BTBD8: variants seen among roughly 807,000 people sequenced by gnomAD.
BTBD8 encodes the protein BTB domain containing 8, also known as BTB/POZ domain-containing protein 8.
BTBD8 carries 110 observed loss-of-function variants against 162.9 expected under a neutral mutation model. The observed-to-expected ratio is 0.68, with a 90% CI of 0.58 to 0.79. The LOEUF (loss-of-function observed/expected upper bound fraction) is 0.79, where lower values mean the gene tolerates loss of function less well. Among genes scored for constraint, BTBD8 ranks in the 30% least tolerant of loss-of-function variants. The pLI, the probability that BTBD8 is intolerant of heterozygous loss-of-function variation, is 0.00. For synonymous variants in BTBD8, 667 were observed against 716.1 expected (o/e 0.93, Z 1.10); for missense variants, 1,905 against 2,085.4 (o/e 0.91, Z 1.68).
Position 92,102,704 on chromosome 1 carries a change from G to A in BTBD8, c.544+35G>A, listed in dbSNP as rs111388869. 2.1e-3 allele frequency: 2,825 copies of A among 1,370,882 alleles called. 31 individuals carry two copies. In the African/African-American group the frequency reaches 0.031, roughly 15 times the overall value. 84.9% of individuals were successfully genotyped at this position (1,370,882 alleles called of 1,614,324 possible). ...TTTTTATGGAGTTGTATTTATAGCC[G>A]TAAAAATAATTATATTCTGATACAG... is the stretch of plus-strand genomic sequence containing the variant. On this transcript the variant is annotated intron_variant, in intron 3 of 17. Transcript: ENST00000636805.
intron 1 of BTBD8, 125 bp downstream of exon 1, chr1:92,080,845 C>CT (rs1647990352): frequency 6.9e-7 from 1 of 1,439,858 alleles, no homozygotes; most frequent in South Asian, 1.3e-5. Flanking sequence ...CCTCAGGCGA[C>CT]TGCGGGTCGT....
intron 16 of BTBD8, 44 bp downstream of exon 16, chr1:92,178,495 T>C: frequency 6.8e-7 from 1 of 1,481,398 alleles, no homozygotes; most frequent in Non-Finnish European, 9.1e-7. Context: ...TATTTCCTTG[T>C]GTAAACTGGA....
chr1:92,183,770 TGACTATCACTGTTATA>T (rs1650993254), intron 17 of BTBD8, 78 bp from the exon 18 acceptor site: 3 of 563,942 alleles, frequency 5.3e-6, no homozygotes, highest in South Asian at 1.2e-4. Flanking sequence ...TTTTTTTTTT[TGACTATCACTGTTATA>T]TTGTGTTAAT....
chr1:92,097,234 T>C (rs1648476938), intron 2 of BTBD8, among the ~76,000 whole-genome samples: 1 of 152,080 alleles, frequency 6.6e-6, no homozygotes, highest in South Asian at 2.1e-4. Context: ...CTCCCCCGCC[T>C]AAAAAATGAC....
chr1:92,129,791 A>G lies in BTBD8; in HGVS notation c.752+15A>G. ...ACTCTTCAAGGGTAAGCATATTTTT[A>G]CAGGGCCATTTGACTGCAAATGATT... On this transcript the variant is annotated intron_variant, in intron 5 of 17. Transcript: ENST00000636805. 1 of 1,597,106 alleles carries G rather than the reference A, an allele frequency of 6.3e-7. No individual in the cohort carries two copies. The highest frequency in any genetic ancestry group is 1.1e-5 in the South Asian group (1 of 90,700).
chr1:92,159,050 C>G (rs1557459815), intron 9 of BTBD8, among the ~76,000 whole-genome samples: 1 of 152,144 alleles, frequency 6.6e-6, no homozygotes, highest in Non-Finnish European at 1.5e-5. Flanking sequence ...GCCACTGTGC[C>G]CAGCCAAAAT....
At chr1:92,175,539 G>C (rs949228361) in intron 13 of BTBD8, among the ~76,000 whole-genome samples, 1 of 146,378 alleles carries the variant, frequency 6.8e-6, no homozygotes, top group Non-Finnish European at 1.5e-5. Flanking sequence ...TCATGCCTGT[G>C]ATCCTAGCAC....
intron 5 of BTBD8, among the ~76,000 whole-genome samples, chr1:92,132,016 A>G (rs1467930329): frequency 6.6e-6 from 1 of 152,156 alleles, no homozygotes; most frequent in Non-Finnish European, 1.5e-5. Flanking sequence ...AGCTTAAATC[A>G]CATTTGTCAA....
chr1:92,175,477 CAA>C (rs71091265), intron 13 of BTBD8, among the ~76,000 whole-genome samples: 2,285 of 37,276 alleles, frequency 0.061, 101 homozygotes, highest in African/African-American at 0.21. Context: ...GACTCCATCT[CAA>C]AAAAAAAAAA....
intron 4 of BTBD8, chr1:92,126,121 C>G (rs1204901125): frequency 8.1e-6 from 4 of 490,884 alleles, no homozygotes; most frequent in Non-Finnish European, 1.6e-5. Context: ...AAGCATCTTA[C>G]GGTAGCTGAT....
Position 92,178,395 on chromosome 1 carries a change from G to A in BTBD8, c.2525G>A (p.Cys842Tyr). ...ILKKRGTSNG[C>Y]TAAQQRTKST... ...AAGAAAAGAGGAACTAGCAATGGAT[G>A]TACTGCAGCTCAGCAGAGGACAAAG... The change falls in exon 16 of 18, where the codon TGT becomes TAT. Residue 842 changes from cysteine (C) to tyrosine (Y), a missense_variant. Physicochemically the swap from Cys to Tyr is radical, Grantham distance 194. Around this residue, in one of 3 missense-constraint regions of BTBD8, gnomAD observed 1,374 missense variants for 1,442.7 expected, o/e 0.95. Coordinates refer to ENST00000636805, the MANE Select transcript of BTBD8 (RefSeq NM_001376131.1). 1 of 1,551,296 alleles carries A rather than the reference G, an allele frequency of 6.4e-7. No individual in the cohort carries two copies. Among genetic ancestry groups the A allele is most frequent in the Non-Finnish European group, 8.7e-7 (1 of 1,146,620 alleles).
intron 4 of BTBD8, chr1:92,115,661 A>G (rs1649019804): frequency 2.6e-6 from 1 of 378,490 alleles, no homozygotes; most frequent in South Asian, 2.4e-5. Flanking sequence ...GTGGAATCAT[A>G]CTGGAACATG....
chr1:92,140,260 GA>G (rs146003632), intron 6 of BTBD8, among the ~76,000 whole-genome samples: 1 of 149,964 alleles, frequency 6.7e-6, no homozygotes, highest in Non-Finnish European at 1.5e-5. Context: ...GTTCTTGGGG[GA>G]AAAAAAAACC....
chr1:92,133,561 A>G (rs1466132283), intron 5 of BTBD8, among the ~76,000 whole-genome samples: 1 of 152,238 alleles, frequency 6.6e-6, no homozygotes, highest in East Asian at 1.9e-4. Flanking sequence ...CTGTCCTTAC[A>G]GAAGGAACCA....
chr1:92,170,001 C>A (rs952919976), intron 12 of BTBD8, among the ~76,000 whole-genome samples: 5 of 151,994 alleles, frequency 3.3e-5, no homozygotes, highest in Non-Finnish European at 7.4e-5. Context: ...TTTATTTTTA[C>A]AAAATTTATG....
At chr1:92,138,854 C>CT (rs1241041000) in intron 5 of BTBD8, among the ~76,000 whole-genome samples, 4 of 152,324 alleles carry the variant, frequency 2.6e-5, no homozygotes, top group Admixed American at 6.5e-5. Context: ...CAAACTACCT[C>CT]TTAAGTCATG....
At position 92,163,700 on chromosome 1, in the gene BTBD8, G is replaced by A. The variant is rs191694695; in HGVS notation, c.1123-3258G>A. On this transcript the variant is annotated intron_variant, in intron 9 of 17. Transcript: ENST00000636805. ...CTACATTTGAAATTTTTAAACTGTC[G>A]TTGTGTTAACTGTTGAATTAAAATT... 1.8e-3 allele frequency among the ~76,000 whole-genome samples: 269 copies of A among 152,036 alleles called. 1 individual carries two copies. Among genetic ancestry groups the A allele is most frequent in the African/African-American group, 6.1e-3 (254 of 41,458 alleles).
intron 11 of BTBD8, 62 bp downstream of exon 11, chr1:92,168,047 AT>A (rs1373723325): frequency 3.5e-6 from 5 of 1,424,964 alleles, no homozygotes; most frequent in Middle Eastern, 1.8e-4. Flanking sequence ...TTTTAGATGT[AT>A]GTGCATTTTA....
intron 4 of BTBD8, among the ~76,000 whole-genome samples, chr1:92,121,482 T>C (rs535878327): frequency 4.6e-5 from 7 of 152,352 alleles, no homozygotes; most frequent in African/African-American, 1.7e-4. Flanking sequence ...CGTCCTTAAA[T>C]ATTTATTAGA....
Sources: gnomAD v4.1 joint callset for allele counts (sites outside exome capture counted in the v4.1 genomes callset) on GRCh38, gnomAD v4.1.1 for gene constraint, gnomAD v4.1.1 regional missense constraint, MANE v1.5 for transcripts, NCBI Gene and HGNC (gene_info 2026-07-23, HGNC 2026-07-21) for gene names.